The following FSCN3 variants were observed in gnomAD, a reference collection of about 807,000 sequenced individuals.
The protein encoded by FSCN3 is fascin actin-bundling protein 3.
In FSCN3, 43 loss-of-function variants were observed where a neutral mutation model predicts 53.5. That is an observed-to-expected ratio of 0.80 (90% CI 0.63 to 1.04). The LOEUF (loss-of-function observed/expected upper bound fraction) is 1.04. FSCN3 is among the 50% of genes least tolerant of loss of function. The probability of loss-of-function intolerance (pLI) is 0.00; values close to 1 mark genes in which losing one functional copy is unlikely to be tolerated. For synonymous variants in FSCN3, 235 were observed against 246.6 expected (o/e 0.95, Z 0.44); for missense variants, 594 against 646.5 (o/e 0.92, Z 0.88).
rs776662325 is a variant in FSCN3 at position 127,600,291 on chromosome 7, C to T, written c.1389C>T (p.Asn463=). 3.7e-6 allele frequency: 6 copies of T among 1,610,346 alleles called. No individual in the cohort carries two copies. The highest frequency in any genetic ancestry group is 3.4e-6 in the Non-Finnish European group (4 of 1,176,470). The change falls in exon 6 of 7, where the codon AAC becomes AAT. Residue 463 remains asparagine, a synonymous_variant. Coordinates refer to ENST00000265825, the MANE Select transcript of FSCN3 (RefSeq NM_020369.3). ...LNFCIELQGS[N]LLTVLAPNGF... is the part of the protein sequence containing the mutation. ...TCTGTATCGAGCTTCAGGGGAGCAA[C>T]TTACTCACTGTACTGGCCCCCAATG... is the stretch of plus-strand genomic sequence containing the variant.
intron 4 of FSCN3, 32 bp downstream of exon 4, chr7:127,598,626 C>A: frequency 1.9e-6 from 3 of 1,557,508 alleles, no homozygotes; most frequent in East Asian, 2.3e-5. Context: ...CCAGATGATT[C>A]CAAGTCAGGG....
rs541004520 is a variant in FSCN3, at chr7:127,594,065, C to T, written c.144+68C>T. The T allele has an allele frequency of 1.0e-3, 1,595 of 1,522,446 alleles. 42 individuals carry two copies. In the South Asian group the frequency reaches 0.017, roughly 16 times the overall value. 94.3% of individuals were successfully genotyped at this position (1,522,446 alleles called of 1,614,324 possible). On this transcript the variant is annotated intron_variant, in intron 1 of 6. Coordinates refer to ENST00000265825, the MANE Select transcript of FSCN3 (RefSeq NM_020369.3). ...CAAGCTGTGTGTGTGTGTGTGCGCG[C>T]GCGCGTGTGTGTGCGTGAGTGTATG... is the stretch of plus-strand genomic sequence containing the variant.
chr7:127,598,571 T>C lies in FSCN3; in HGVS notation c.1097T>C (p.Leu366Pro). ...RFLGIAPNSL[L>P]MANVILPGPN... Reference sequence around the variant, plus strand: ...CTGGGCATTGCACCCAACAGCCTGCTGATGGCCAATGTCATCCTTCCAGGT... The same window carrying C: ...CTGGGCATTGCACCCAACAGCCTGCCGATGGCCAATGTCATCCTTCCAGGT... Residue 366 changes from leucine (L) to proline (P), a missense_variant, in exon 4 of 7, where the codon CTG (leucine) becomes CCG (proline). Physicochemically the swap from Leu to Pro is moderately conservative, Grantham distance 98. Coordinates refer to ENST00000265825, the MANE Select transcript of FSCN3 (RefSeq NM_020369.3). 6.2e-7 allele frequency: 1 copy of C among 1,611,944 alleles called. No homozygotes were observed. Among genetic ancestry groups the C allele is most frequent in the Non-Finnish European group, 8.5e-7 (1 of 1,178,664 alleles).
chr7:127,595,371 A>G lies in FSCN3; in HGVS notation c.209A>G (p.Gln70Arg). 6.2e-7 allele frequency: 1 copy of G among 1,614,168 alleles called. No individual in the cohort carries two copies. Among genetic ancestry groups the G allele is most frequent in the Non-Finnish European group, 8.5e-7 (1 of 1,180,024 alleles). ...TQAVVRLKSVQGLYLLCECDG... is the reference protein window; with the variant it reads ...TQAVVRLKSVRGLYLLCECDG... The stretch of plus-strand genomic sequence containing the variant: ...GCCGTGGTGCGACTAAAGAGCGTGC[A>G]GGGCCTCTACCTGCTGTGTGAGTGT... The change falls in exon 2 of 7, where the codon CAG (glutamine) becomes CGG (arginine). Residue 70 changes from glutamine (Q) to arginine (R), a missense_variant. Coordinates refer to ENST00000265825, the MANE Select transcript of FSCN3 (RefSeq NM_020369.3).
intron 3 of FSCN3, 56 bp from the exon 4 acceptor site, chr7:127,598,379 G>A: frequency 3.9e-6 from 6 of 1,524,020 alleles, no homozygotes; most frequent in Non-Finnish European, 5.4e-6. Flanking sequence ...CTGATGGGAA[G>A]AAAGCTGAGA....
intron 4 of FSCN3, among the ~76,000 whole-genome samples, chr7:127,598,933 C>A (rs1276417553): frequency 6.6e-6 from 1 of 150,640 alleles, no homozygotes; most frequent in Non-Finnish European, 1.5e-5. Context: ...GCATTGCAGC[C>A]TGGGCGACAG....
chr7:127,598,970 A>G (rs906558419), intron 4 of FSCN3, among the ~76,000 whole-genome samples: 20 of 152,182 alleles, frequency 1.3e-4, no homozygotes, highest in African/African-American at 4.3e-4. Context: ...CAAAAAAAAA[A>G]AAAAAAGTAC....
intron 3 of FSCN3, among the ~76,000 whole-genome samples, chr7:127,597,642 C>G (rs987308486): frequency 3.9e-5 from 6 of 152,008 alleles, no homozygotes; most frequent in African/African-American, 1.2e-4. Flanking sequence ...CCATGCCCAG[C>G]TAATTTTTTG....
intron 1 of FSCN3, among the ~76,000 whole-genome samples, chr7:127,594,294 AT>A (rs1349873955): frequency 4.7e-5 from 6 of 126,624 alleles, no homozygotes; most frequent in African/African-American, 1.6e-4. Flanking sequence ...ACTTGCCTGT[AT>A]ATGAAAGCAG....
At position 127,600,206 on chromosome 7, in the gene FSCN3, C is replaced by T; in HGVS notation, c.1304C>T (p.Ser435Phe). The T allele has an allele frequency of 1.3e-6, 2 of 1,595,902 alleles. No individual in the cohort carries two copies. The highest frequency in any genetic ancestry group is 1.3e-5 in the African/African-American group (1 of 74,676). ...GIYHFQAQGG[S>F]FWSITSFGTF... ...CTTCCTTCTCCAGCACAGGGGGGAT[C>T]CTTCTGGTCAATAACATCCTTTGGC... is the stretch of plus-strand genomic sequence containing the variant. Residue 435 changes from serine to phenylalanine, a missense_variant, in exon 6 of 7, where the codon TCC becomes TTC. Physicochemically the swap from Ser to Phe is radical, Grantham distance 155. Coordinates refer to ENST00000265825, the MANE Select transcript of FSCN3 (RefSeq NM_020369.3).
chr7:127,595,071 C>G (rs1794363310), intron 1 of FSCN3: 3 of 592,292 alleles, frequency 5.1e-6, no homozygotes, highest in Non-Finnish European at 9.0e-6. Context: ...TCTAGAACTT[C>G]TCTTTGGATA....
At position 127,595,341 on chromosome 7, in the gene FSCN3, C is replaced by T; in HGVS notation, c.179C>T (p.Thr60Ile). 6.2e-7 allele frequency: 1 copy of T among 1,613,360 alleles called. No homozygotes were observed. Among genetic ancestry groups the T allele is most frequent in the Non-Finnish European group, 8.5e-7 (1 of 1,179,560 alleles). ...ATCTTGGTGAGCAATGAGCATGAGA[C>T]ACAGGCCGTGGTGCGACTAAAGAGC... ...WEILVSNEHE[T>I]QAVVRLKSVQ... Residue 60 changes from threonine (T) to isoleucine (I), a missense_variant, in exon 2 of 7, where the codon ACA becomes ATA. Thr to Ile is a moderately conservative substitution (Grantham distance 89, BLOSUM62 -1). Coordinates refer to ENST00000265825, the MANE Select transcript of FSCN3 (RefSeq NM_020369.3).
At chr7:127,601,065 CA>C (rs1312955740) in intron 6 of FSCN3, among the ~76,000 whole-genome samples, 1 of 152,206 alleles carries the variant, frequency 6.6e-6, no homozygotes, top group Non-Finnish European at 1.5e-5. Flanking sequence ...ATGATCTCTC[CA>C]CCCTTTCTTT....
At chr7:127,601,267 T>A (rs1426823608) in intron 6 of FSCN3, among the ~76,000 whole-genome samples, 1 of 152,172 alleles carries the variant, frequency 6.6e-6, no homozygotes, top group Non-Finnish European at 1.5e-5. Flanking sequence ...CGACATCCAA[T>A]CTCATCTCCA....
intron 1 of FSCN3, among the ~76,000 whole-genome samples, chr7:127,594,337 T>C (rs143130874): frequency 6.6e-6 from 1 of 152,100 alleles, no homozygotes; most frequent in Non-Finnish European, 1.5e-5. Flanking sequence ...CTTTCCTAGG[T>C]TCTGCCAGTG....
At chr7:127,598,678 A>G in intron 4 of FSCN3, 84 bp downstream of exon 4, 1 of 1,220,014 alleles carries the variant, frequency 8.2e-7, no homozygotes, top group Non-Finnish European at 1.2e-6. Context: ...TAAAAAGAGC[A>G]CTGAAGGCCG....
At chr7:127,601,027 C>T (rs1794466992) in intron 6 of FSCN3, among the ~76,000 whole-genome samples, 1 of 152,224 alleles carries the variant, frequency 6.6e-6, no homozygotes, top group Admixed American at 6.5e-5. Flanking sequence ...ATTCCCTCCT[C>T]CCAAATGCTC....
rs1424402747 is a variant in FSCN3, at chr7:127,595,583, GCCCTCCATGT to G, written c.424_433del (p.Leu142ThrfsTer2). 1.2e-6 allele frequency: 2 copies of G among 1,614,144 alleles called. No individual in the cohort carries two copies. Among genetic ancestry groups the G allele is most frequent in the Admixed American group, 3.3e-5 (2 of 60,024 alleles). ...TTACCACATGTGGACCCCCCGACCA[GCCCTCCATGT>G]CCACGTGATCCTCTACAGCCCCATC... is the stretch of plus-strand genomic sequence containing the variant. On this transcript the variant is annotated frameshift_variant, in exon 2 of 7. Coordinates refer to ENST00000265825, the MANE Select transcript of FSCN3 (RefSeq NM_020369.3). LOFTEE classifies it high-confidence loss of function.
At chr7:127,600,851 A>G (rs568357852) in intron 6 of FSCN3, among the ~76,000 whole-genome samples, 1 of 152,128 alleles carries the variant, frequency 6.6e-6, no homozygotes, top group South Asian at 2.1e-4. Flanking sequence ...CTCAGCCCCA[A>G]CCCTTCTCCT....
Sources: allele counts gnomAD v4.1 joint callset (sites outside exome capture counted in the v4.1 genomes callset), GRCh38; gene constraint gnomAD v4.1.1; transcripts MANE v1.5; gene names NCBI Gene and HGNC (gene_info 2026-07-23, HGNC 2026-07-21).